The following EPHA7 variants were observed in gnomAD, a reference collection of about 807,000 sequenced individuals.
The protein encoded by EPHA7 is EPH receptor A7.
A neutral mutation model predicts 112.6 loss-of-function variants in EPHA7; 25 were observed. The observed-to-expected ratio is 0.22, with a 90% CI of 0.16 to 0.31. EPHA7 has a LOEUF of 0.31. Among genes scored for constraint, EPHA7 ranks in the 10% least tolerant of loss-of-function variants. The pLI, the probability that EPHA7 is intolerant of heterozygous loss-of-function variation, is 1.00. For synonymous variants in EPHA7, 437 were observed against 406.5 expected (o/e 1.07, Z -0.90); for missense variants, 962 against 1,212.6 (o/e 0.79, Z 3.07).
At chr6:93,409,127 T>A (rs949212920) in intron 3 of EPHA7, among the ~76,000 whole-genome samples, 2 of 152,070 alleles carry the variant, frequency 1.3e-5, no homozygotes, top group African/African-American at 4.8e-5. Context: ...CTAAACTTTT[T>A]AAAAATTATT....
In EPHA7 at chr6:93,419,465, C is replaced by T. The variant is rs1779420534; in HGVS notation, c.-124G>A. 3 of 686,962 alleles carry T rather than the reference C, an allele frequency of 4.4e-6. No homozygotes were observed. The highest frequency in any genetic ancestry group is 6.0e-5 in the Admixed American group (2 of 33,242). The allele number at this position is 686,962 out of a possible 1,614,324, so 42.6% of individuals were successfully genotyped here. ...TGCATCGATTCCCCTTCTCGGTCCC[C>T]GATCGGCTGCTCCACGTTTAGCTTT... On this transcript the variant is annotated 5_prime_UTR_variant, in exon 1 of 17. Coordinates refer to ENST00000369303, the MANE Select transcript of EPHA7 (RefSeq NM_004440.4).
intron 14 of EPHA7, among the ~76,000 whole-genome samples, chr6:93,249,943 A>T (rs1160616100): frequency 6.6e-6 from 1 of 152,094 alleles, no homozygotes; most frequent in Non-Finnish European, 1.5e-5. Flanking sequence ...AAGTTAATGA[A>T]CCTCTGTAGT....
chr6:93,363,303 A>C (rs1776346580), intron 3 of EPHA7, among the ~76,000 whole-genome samples: 1 of 152,138 alleles, frequency 6.6e-6, no homozygotes. Flanking sequence ...CCCCTATAAC[A>C]CTGAGGAGGT....
chr6:93,350,600 C>T (rs164537), intron 5 of EPHA7, among the ~76,000 whole-genome samples: 65,353 of 151,758 alleles, frequency 0.43, 15,358 homozygotes, highest in African/African-American at 0.61. Flanking sequence ...GGGGATAAAA[C>T]ATAATTCTTT....
intron 3 of EPHA7, among the ~76,000 whole-genome samples, chr6:93,388,312 T>C (rs1218797905): frequency 6.6e-6 from 1 of 152,166 alleles, no homozygotes; most frequent in Non-Finnish European, 1.5e-5. Context: ...TGACATCTTT[T>C]CAAAAGTCAA....
chr6:93,379,891 A>G (rs1359897870), intron 3 of EPHA7, among the ~76,000 whole-genome samples: 2 of 152,044 alleles, frequency 1.3e-5, no homozygotes, highest in Non-Finnish European at 2.9e-5. Context: ...ATTTTTTGCC[A>G]TGCAGTTCCT....
intron 3 of EPHA7, among the ~76,000 whole-genome samples, chr6:93,405,033 A>G (rs1163188386): frequency 6.6e-6 from 1 of 151,890 alleles, no homozygotes; most frequent in Non-Finnish European, 1.5e-5. Flanking sequence ...GTTACTTAGA[A>G]CTTAAAATTA....
At chr6:93,264,017 T>C (rs138667490) in intron 8 of EPHA7, 102 bp from the exon 9 acceptor site, 10,808 of 766,312 alleles carry the variant, frequency 0.014, 129 homozygotes, top group South Asian at 0.038. Context: ...TAGAGTTAAA[T>C]TTACTGTTCA....
At chr6:93,315,141 C>A (rs559554896) in intron 5 of EPHA7, among the ~76,000 whole-genome samples, 2 of 150,452 alleles carry the variant, frequency 1.3e-5, no homozygotes, top group Non-Finnish European at 2.9e-5. Flanking sequence ...GGATTACAGG[C>A]GTGAGCCACC....
chr6:93,284,491 G>A (rs1771959588), intron 5 of EPHA7, among the ~76,000 whole-genome samples: 1 of 152,026 alleles, frequency 6.6e-6, no homozygotes, highest in Non-Finnish European at 1.5e-5. Context: ...GAAAATGAAT[G>A]TGGCTTGAGA....
intron 5 of EPHA7, among the ~76,000 whole-genome samples, chr6:93,294,953 T>G (rs1192580058): frequency 1.3e-5 from 2 of 152,080 alleles, no homozygotes; most frequent in Non-Finnish European, 2.9e-5. Flanking sequence ...TGAAAAGTTT[T>G]GAATTGACTT....
intron 16 of EPHA7, among the ~76,000 whole-genome samples, chr6:93,244,547 A>G (rs1769858138): frequency 6.6e-6 from 1 of 152,112 alleles, no homozygotes; most frequent in Non-Finnish European, 1.5e-5. Context: ...AGCCAAGTCA[A>G]CTGAGGTTCA....
chr6:93,276,922 T>G (rs879675717), intron 5 of EPHA7, among the ~76,000 whole-genome samples: 4 of 152,054 alleles, frequency 2.6e-5, no homozygotes, highest in Non-Finnish European at 4.4e-5. Flanking sequence ...TATACCTGTA[T>G]TTTTCAACAG....
intron 5 of EPHA7, among the ~76,000 whole-genome samples, chr6:93,296,895 A>G (rs1772700840): frequency 6.6e-6 from 1 of 151,962 alleles, no homozygotes; most frequent in Non-Finnish European, 1.5e-5. Context: ...AGAATAGTTA[A>G]CAAAATTATA....
chr6:93,295,424 C>T (rs886871867), intron 5 of EPHA7, among the ~76,000 whole-genome samples: 1 of 151,658 alleles, frequency 6.6e-6, no homozygotes, highest in African/African-American at 2.4e-5. Context: ...TTCAGTTTCA[C>T]ACATTGTGAT....
At chr6:93,297,523 T>C (rs894009475) in intron 5 of EPHA7, among the ~76,000 whole-genome samples, 2 of 152,186 alleles carry the variant, frequency 1.3e-5, no homozygotes, top group African/African-American at 4.8e-5. Flanking sequence ...CTTTGATGTC[T>C]CATTTATTCC....
At chr6:93,365,936 C>T (rs1277231052) in intron 3 of EPHA7, among the ~76,000 whole-genome samples, 2 of 152,002 alleles carry the variant, frequency 1.3e-5, no homozygotes, top group Non-Finnish European at 2.9e-5. Flanking sequence ...AAAAGAAAAA[C>T]ATGTAAAATA....
chr6:93,337,875 T>G (rs1210509211), intron 5 of EPHA7, among the ~76,000 whole-genome samples: 1 of 152,062 alleles, frequency 6.6e-6, no homozygotes, highest in Non-Finnish European at 1.5e-5. Context: ...TGATTTCATA[T>G]TGTAGCATGC....
chr6:93,304,639 G>A (rs1277348093), intron 5 of EPHA7, among the ~76,000 whole-genome samples: 3 of 152,172 alleles, frequency 2.0e-5, no homozygotes, highest in East Asian at 1.9e-4. Flanking sequence ...TGTTTTATAG[G>A]AGGAGAATTC....
Sources: allele counts gnomAD v4.1 joint callset (sites outside exome capture counted in the v4.1 genomes callset), GRCh38; gene constraint gnomAD v4.1.1; transcripts MANE v1.5; gene names NCBI Gene and HGNC (gene_info 2026-07-23, HGNC 2026-07-21).